FBH1: variants seen among roughly 807,000 people sequenced by gnomAD.
FBH1 encodes F-box DNA helicase 1.
Under a neutral mutation model 115.5 loss-of-function variants are expected in FBH1, and 43 were observed. The ratio of observed to expected loss-of-function variants is 0.37; its 90% CI spans 0.29 to 0.48. The LOEUF is 0.48. FBH1 is among the 20% of genes least tolerant of loss of function. FBH1 has a pLI of 0.99. For synonymous variants in FBH1, 524 were observed against 507.8 expected, an observed-to-expected ratio of 1.03 and a Z score of -0.43; for missense variants, 1,001 against 1,337.3, an observed-to-expected ratio of 0.75 and a Z score of 3.92.
rs762120599 is a variant in FBH1, at chr10:5,924,321, C to T, written c.2409C>T (p.Val803=). Residue 803 remains valine, a synonymous_variant, in exon 17 of 21, where the codon GTC becomes GTT. Transcript: ENST00000362091. This position sits in a 1 kb window ranked among gnomAD's most constrained non-coding sequence, Gnocchi z 6.2. The part of the protein sequence containing the change: ...PEEERRKQNL[V]IKDKFIRRWV... Reference sequence around the variant, plus strand: ...GTATATTCTTCTTAGAAAACCTCGTCATTAAAGACAAATTTATCAGAAGAT... The same window carrying T: ...GTATATTCTTCTTAGAAAACCTCGTTATTAAAGACAAATTTATCAGAAGAT... 8.1e-6 allele frequency: 13 copies of T among 1,614,154 alleles called. No individual in the cohort carries two copies. In the South Asian group the frequency reaches 1.3e-4, roughly 16 times the overall value.
intron 18 of FBH1, among the ~76,000 whole-genome samples, chr10:5,926,063 A>C (rs897601808): frequency 1.1e-4 from 16 of 151,998 alleles, no homozygotes; most frequent in African/African-American, 3.9e-4. Context: ...CAGCCACCAC[A>C]GACATTTGTC....
Position 5,937,519 on chromosome 10 carries a change from A to C in FBH1, c.*239A>C. ...GGAAGTGGGGGATGTTCTTTTGATAAAAAAAAAAAAAAAAATTTATGTATT... is the reference window on the plus strand; with the variant it reads ...GGAAGTGGGGGATGTTCTTTTGATACAAAAAAAAAAAAAAATTTATGTATT... On this transcript the variant is annotated 3_prime_UTR_variant, in exon 21 of 21. Transcript: ENST00000362091. The C allele has an allele frequency of 5.0e-5, 1 of 19,914 alleles. No homozygotes were observed. Among genetic ancestry groups the C allele is most frequent in the Non-Finnish European group, 9.0e-5 (1 of 11,106 alleles). 1.2% of individuals were successfully genotyped at this position (19,914 alleles called of 1,614,324 possible).
rs995197381 is a variant in FBH1 at position 5,913,068 on chromosome 10, C to G, written c.1212-679C>G. Among the ~76,000 whole-genome samples the G allele has an allele frequency of 1.3e-5, 2 of 152,128 alleles. No homozygotes were observed. Among genetic ancestry groups the G allele is most frequent in the Admixed American group, 1.3e-4 (2 of 15,274 alleles). On this transcript the variant is annotated intron_variant, in intron 6 of 20. Coordinates refer to ENST00000362091, the MANE Select transcript of FBH1 (RefSeq NM_178150.3). This position sits in a 1 kb window ranked among gnomAD's most constrained non-coding sequence, Gnocchi z 4.4. Reference sequence around the variant, plus strand: ...GTCCAAGCTCACCCCCGGTCTCCCCCACAGTCCAGGGGAGACTTGGAGAGG... The same window carrying G: ...GTCCAAGCTCACCCCCGGTCTCCCCGACAGTCCAGGGGAGACTTGGAGAGG...
chr10:5,893,829 T>G (rs892996297), intron 1 of FBH1: 11 of 234,350 alleles, frequency 4.7e-5, no homozygotes, highest in African/African-American at 2.6e-4. Flanking sequence ...TCATGGAGTT[T>G]AAAATGAATC....
chr10:5,901,341 A>G (rs1283066256), intron 1 of FBH1, among the ~76,000 whole-genome samples: 2 of 151,970 alleles, frequency 1.3e-5, no homozygotes. Context: ...TATTTTTAAT[A>G]GAGACGGGGT....
chr10:5,899,856 C>T (rs560567310), intron 1 of FBH1, among the ~76,000 whole-genome samples: 1 of 152,306 alleles, frequency 6.6e-6, no homozygotes, highest in Non-Finnish European at 1.5e-5. Context: ...AACAACAAGA[C>T]TTTGTTTTCT....
In FBH1 at chr10:5,924,339, C is replaced by T. The variant is rs1832503155; in HGVS notation, c.2427C>T (p.Ile809=). 3.1e-6 allele frequency: 5 copies of T among 1,614,198 alleles called. No homozygotes were observed. The South Asian group carries it at 3.3e-5, about 11-fold the overall frequency. The change falls in exon 17 of 21, where the codon ATC becomes ATT. Residue 809 remains isoleucine (I), a synonymous_variant. Coordinates refer to ENST00000362091, the MANE Select transcript of FBH1 (RefSeq NM_178150.3). This position sits in a 1 kb window ranked among gnomAD's most constrained non-coding sequence, Gnocchi z 6.2. The part of the protein sequence containing the change: ...KQNLVIKDKF[I]RRWVHKEGFS... The stretch of plus-strand genomic sequence containing the variant: ...ACCTCGTCATTAAAGACAAATTTAT[C>T]AGAAGATGGGTGCACAAAGAAGGCT...
In FBH1 at chr10:5,911,271, C is replaced by A; in HGVS notation, c.1211+143C>A. On this transcript the variant is annotated intron_variant, in intron 6 of 20. Transcript: ENST00000362091. This position sits in a 1 kb window ranked among gnomAD's most constrained non-coding sequence, Gnocchi z 5.4. ...TGCTCCACCTCAGTGTCATCTTCTG[C>A]AGGAGCCAGGGGCTGAGAGTTTGAT... 1.3e-6 allele frequency: 1 copy of A among 776,278 alleles called. No homozygotes were observed. The highest frequency in any genetic ancestry group is 2.0e-6 in the Non-Finnish European group (1 of 495,284). The allele number at this position is 776,278 out of a possible 1,614,324, so 48.1% of individuals were successfully genotyped here.
chr10:5,929,894 G>A (rs891408386), intron 19 of FBH1: 1 of 152,146 alleles, frequency 6.6e-6, no homozygotes, highest in Non-Finnish European at 1.5e-5. Flanking sequence ...TGGTTTATAA[G>A]TACTTTTTTA....
intron 1 of FBH1, chr10:5,894,948 G>A (rs1440041960): frequency 1.6e-5 from 21 of 1,288,504 alleles, no homozygotes; most frequent in African/African-American, 5.9e-5. Context: ...TGTACAGGGC[G>A]GTTTTATTCC....
chr10:5,927,607 C>T (rs1832729879), intron 19 of FBH1, 66 bp downstream of exon 19: 18 of 1,323,398 alleles, frequency 1.4e-5, no homozygotes, highest in Admixed American at 2.0e-5. Flanking sequence ...GCTTGAGGGG[C>T]TGACCTGGAG....
Position 5,925,354 on chromosome 10 carries a change from G to A in FBH1, c.2597-13G>A. 1 of 1,613,770 alleles carries A rather than the reference G, an allele frequency of 6.2e-7. No individual in the cohort carries two copies. The highest frequency in any genetic ancestry group is 8.5e-7 in the Non-Finnish European group (1 of 1,179,904). ...TGAAGCACCATCTAACGTGTGCTGTGTTTTTATCCTAGAGTACATTCTGGG... is the reference window on the plus strand; with the variant it reads ...TGAAGCACCATCTAACGTGTGCTGTATTTTTATCCTAGAGTACATTCTGGG... On this transcript the variant is annotated splice_polypyrimidine_tract_variant and intron_variant, in intron 17 of 20. Coordinates refer to ENST00000362091, the MANE Select transcript of FBH1 (RefSeq NM_178150.3). The surrounding 1 kb of genome is among the most constrained non-coding windows in gnomAD (Gnocchi z 4.6).
At position 5,910,164 on chromosome 10, in the gene FBH1, A is replaced by G. The variant is rs1831486882; in HGVS notation, c.1021-774A>G. Among the ~76,000 whole-genome samples the G allele has an allele frequency of 6.6e-6, 1 of 151,986 alleles. No homozygotes were observed. The highest frequency in any genetic ancestry group is 6.6e-5 in the Admixed American group (1 of 15,250). On this transcript the variant is annotated intron_variant, in intron 5 of 20. Coordinates refer to ENST00000362091, the MANE Select transcript of FBH1 (RefSeq NM_178150.3). This position sits in a 1 kb window ranked among gnomAD's most constrained non-coding sequence, Gnocchi z 4.8. ...GAGCATGGTGGCATGTGCCTGTAGT[A>G]CTGGCTACTCTGGAGGCTGAGACAA...
intron 1 of FBH1, among the ~76,000 whole-genome samples, chr10:5,896,913 G>T (rs1373855950): frequency 6.6e-6 from 1 of 152,094 alleles, no homozygotes; most frequent in Admixed American, 6.5e-5. Flanking sequence ...GGATTTTTAT[G>T]GAAGAAGTAG....
Position 5,915,594 on chromosome 10 carries a change from G to A in FBH1, c.1565+23G>A, listed in dbSNP as rs1457699120. 8.1e-6 allele frequency: 13 copies of A among 1,610,476 alleles called. No individual in the cohort carries two copies. Among genetic ancestry groups the A allele is most frequent in the African/African-American group, 1.3e-5 (1 of 74,840 alleles). ...GAAGTGAGTACTGCTGTCACTAGTGGCACTGTTGCTGCTGGCACGGTCGCG... is the reference window on the plus strand; with the variant it reads ...GAAGTGAGTACTGCTGTCACTAGTGACACTGTTGCTGCTGGCACGGTCGCG... On this transcript the variant is annotated intron_variant, in intron 9 of 20. Coordinates refer to ENST00000362091, the MANE Select transcript of FBH1 (RefSeq NM_178150.3). This position sits in a 1 kb window ranked among gnomAD's most constrained non-coding sequence, Gnocchi z 5.2.
rs10905492 is a variant in FBH1, at chr10:5,932,171, A to G, written c.2830-4285A>G. On this transcript the variant is annotated intron_variant, in intron 19 of 20. Transcript: ENST00000362091. The surrounding 1 kb of genome is among the most constrained non-coding windows in gnomAD (Gnocchi z 5.9). ...CAAAAGAAAAGATCAAAACTTTGTGATAAGAGAAGTCTCATTACCTCCCTG... is the reference window on the plus strand; with the variant it reads ...CAAAAGAAAAGATCAAAACTTTGTGGTAAGAGAAGTCTCATTACCTCCCTG... Among the ~76,000 whole-genome samples, 3,681 of 152,342 alleles carry G rather than the reference A, an allele frequency of 0.024. 158 individuals are homozygous for G. Among genetic ancestry groups the G allele is most frequent in the Admixed American group, 0.11 (1,722 of 15,310 alleles).
rs667373 is a variant in FBH1, at chr10:5,897,471, G to T, written c.2-5549G>T. On this transcript the variant is annotated intron_variant, in intron 1 of 20. Transcript: ENST00000362091. This position sits in a 1 kb window ranked among gnomAD's most constrained non-coding sequence, Gnocchi z 4.7. The stretch of plus-strand genomic sequence containing the variant: ...CCTCTCTCTGAGACCAGAGATACAG[G>T]TTAGTTTTCCTGACCTCCAGCTGAC... Among the ~76,000 whole-genome samples, 122,511 of 152,106 alleles carry T rather than the reference G, an allele frequency of 0.81. 49,542 individuals are homozygous for T. The highest frequency in any genetic ancestry group is 0.87 in the African/African-American group (36,136 of 41,474).
In FBH1 at chr10:5,921,485, G is replaced by C. The variant is rs746848362; in HGVS notation, c.2238G>C (p.Leu746Phe). The C allele has an allele frequency of 1.2e-6, 2 of 1,602,608 alleles. No homozygotes were observed. Among genetic ancestry groups the C allele is most frequent in the Non-Finnish European group, 1.7e-6 (2 of 1,177,104 alleles). ...IRGDAKGQVALLSRTNANVFD... is the reference protein window; with the variant it reads ...IRGDAKGQVAFLSRTNANVFD... ...GTGACGCAAAGGGGCAAGTGGCCTT[G>C]TTGTCCCGGACCAACGCCAACGTGT... is the stretch of plus-strand genomic sequence containing the variant. Residue 746 changes from leucine to phenylalanine, a missense_variant, in exon 15 of 21, where the codon TTG becomes TTC. Physicochemically the swap from Leu to Phe is conservative, Grantham distance 22. Transcript: ENST00000362091. This position sits in a 1 kb window ranked among gnomAD's most constrained non-coding sequence, Gnocchi z 6.4.
In FBH1 at chr10:5,915,283, C is replaced by G. The variant is rs1731802393; in HGVS notation, c.1397-120C>G. On this transcript the variant is annotated intron_variant, in intron 8 of 20. Transcript: ENST00000362091. This position sits in a 1 kb window ranked among gnomAD's most constrained non-coding sequence, Gnocchi z 5.2. ...CACTACTTTTACCAGCACTGAAAAA[C>G]TTGTTACTGTCCTGCTCTCAAGACA... 9.6e-7 allele frequency: 1 copy of G among 1,045,558 alleles called. No homozygotes were observed. Among genetic ancestry groups the G allele is most frequent in the Non-Finnish European group, 1.4e-6 (1 of 733,044 alleles). 64.8% of individuals were successfully genotyped at this position (1,045,558 alleles called of 1,614,324 possible).
Sources: allele counts gnomAD v4.1 joint callset (sites outside exome capture counted in the v4.1 genomes callset), GRCh38; gene constraint gnomAD v4.1.1; non-coding constraint Gnocchi (gnomAD v3.1); transcripts MANE v1.5; gene names NCBI Gene and HGNC (gene_info 2026-07-23, HGNC 2026-07-21).